EMC3: variants seen among roughly 807,000 people sequenced by gnomAD.
The protein encoded by EMC3 is ER membrane protein complex subunit 3.
A neutral mutation model predicts 36.6 loss-of-function variants in EMC3; 13 were observed. The observed-to-expected ratio is 0.35, with a 90% confidence interval of 0.23 to 0.56. The LOEUF (loss-of-function observed/expected upper bound fraction) is 0.56. Ranked by LOEUF, EMC3 falls within the 20% of genes least tolerant of loss-of-function variation. EMC3 has a pLI of 0.84. For missense variants in EMC3, 220 were observed against 324.5 expected, an observed-to-expected ratio of 0.68 and a Z score of 2.47; for synonymous variants, 120 against 111.9, an observed-to-expected ratio of 1.07 and a Z score of -0.46.
At chr3:9,997,721 A>T (rs1181470425) in intron 1 of EMC3, among the ~76,000 whole-genome samples, 1 of 152,042 alleles carries the variant, frequency 6.6e-6, no homozygotes, top group Non-Finnish European at 1.5e-5. Context: ...CGGCCTCCCA[A>T]AGTGCTGGGA....
chr3:9,970,956 CCT>C (rs1229073005), intron 5 of EMC3, among the ~76,000 whole-genome samples: 2 of 151,734 alleles, frequency 1.3e-5, no homozygotes, highest in Non-Finnish European at 2.9e-5. Context: ...GGAGTCTCAC[CCT>C]GTTACCCAGG....
chr3:9,989,235 C>T (rs1347731786), upstream of EMC3, among the ~76,000 whole-genome samples: 1 of 152,184 alleles, frequency 6.6e-6, no homozygotes, highest in Non-Finnish European at 1.5e-5. Context: ...TCTATTAATT[C>T]TAGAAATACC....
chr3:10,000,916 AC>A, intron 1 of EMC3: 1 of 429,030 alleles, frequency 2.3e-6, no homozygotes, highest in Non-Finnish European at 4.8e-6. Context: ...ACACTTCTGA[AC>A]AAAAATCTTG....
At chr3:9,969,519 A>G in intron 7 of EMC3, 200 bp downstream of exon 7, 5 of 1,458,838 alleles carry the variant, frequency 3.4e-6, no homozygotes, top group Non-Finnish European at 4.5e-6. Context: ...TTTAAAAACC[A>G]GTAAAAGCAC....
At chr3:9,975,245 T>C (rs935654754) in intron 3 of EMC3, among the ~76,000 whole-genome samples, 7 of 152,180 alleles carry the variant, frequency 4.6e-5, no homozygotes, top group Admixed American at 6.6e-5. Context: ...ATTGTTTCCA[T>C]TGTTTTTGCC....
intron 1 of EMC3, chr3:9,994,291 G>T: frequency 9.5e-7 from 1 of 1,056,050 alleles, no homozygotes; most frequent in Non-Finnish European, 1.4e-6. Flanking sequence ...TACAAATAAT[G>T]TGTTTATGTT....
rs1259595642 is a variant in EMC3 at position 9,978,768 on chromosome 3, T to C, written c.156-1322A>G. Among the ~76,000 whole-genome samples, 12 of 150,874 alleles carry C rather than the reference T, an allele frequency of 8.0e-5. No individual in the cohort carries two copies. The East Asian group carries it at 2.1e-3, about 27-fold the overall frequency. On this transcript the variant is annotated intron_variant, in intron 1 of 7. Transcript: ENST00000245046. The stretch of plus-strand genomic sequence containing the variant: ...TCACTTGAACCAGGAAGGTAGGGGG[T>C]TGCAGTGAGCCGAGACGACGCCATT...
Position 9,963,471 on chromosome 3 carries a change from A to T in EMC3, c.*598T>A, listed in dbSNP as rs1215806108. Reference sequence around the variant, plus strand: ...CTAAGATAGATATATATATATATATATATATATTTTTTTTTTTTTTTCAGA... The same window carrying T: ...CTAAGATAGATATATATATATATATTTATATATTTTTTTTTTTTTTTCAGA... On this transcript the variant is annotated 3_prime_UTR_variant, in exon 8 of 8. Transcript: ENST00000245046. The T allele has an allele frequency of 2.4e-4, 26 of 109,908 alleles. No homozygotes were observed. Among genetic ancestry groups the T allele is most frequent in the African/African-American group, 8.8e-4 (25 of 28,434 alleles). The allele number at this position is 109,908 out of a possible 1,614,324, so 6.8% of individuals were successfully genotyped here.
chr3:9,998,327 C>G (rs2086153192), intron 1 of EMC3, among the ~76,000 whole-genome samples: 1 of 150,160 alleles, frequency 6.7e-6, no homozygotes, highest in Admixed American at 6.6e-5. Context: ...GATTGCGCCA[C>G]TGCACTCCAG....
intron 1 of EMC3, among the ~76,000 whole-genome samples, chr3:10,002,150 T>C (rs1480246139): frequency 3.9e-5 from 6 of 152,298 alleles, no homozygotes; most frequent in East Asian, 1.9e-4. Context: ...TGTGGGACTT[T>C]GATAAGGATT....
intron 5 of EMC3, among the ~76,000 whole-genome samples, chr3:9,972,590 G>C (rs1012305320): frequency 6.6e-6 from 1 of 151,674 alleles, no homozygotes; most frequent in African/African-American, 2.4e-5. Context: ...GGCCAACATG[G>C]TGAAACCCTG....
At chr3:10,007,726 A>T in intron 1 of EMC3, 5 of 1,163,886 alleles carry the variant, frequency 4.3e-6, no homozygotes, top group African/African-American at 1.6e-5. Context: ...CTGTGGGTGC[A>T]GATGCCCATC....
chr3:9,973,586 A>G (rs1276252436), intron 5 of EMC3, 42 bp downstream of exon 5: 1 of 1,577,112 alleles, frequency 6.3e-7, no homozygotes, highest in Admixed American at 1.7e-5. Flanking sequence ...TGGCTTCCCA[A>G]AGTGTGGTTT....
intron 5 of EMC3, among the ~76,000 whole-genome samples, chr3:9,972,173 C>A (rs191195593): frequency 2.6e-5 from 4 of 151,992 alleles, no homozygotes; most frequent in Admixed American, 6.5e-5. Context: ...ATGGAAAACG[C>A]TAAGCCCAGT....
chr3:9,977,044 A>G lies in EMC3; in HGVS notation c.220T>C (p.Leu74=), dbSNP rs2085857406. The G allele has an allele frequency of 6.3e-7, 1 of 1,595,316 alleles. No homozygotes were observed. The highest frequency in any genetic ancestry group is 1.4e-5 in the African/African-American group (1 of 73,490). ...TTGTTGAAATAATATTTTCGTGTCAAGAAAGACTAGTAAAAAAAAAAAAAA... is the reference window on the plus strand; with the variant it reads ...TTGTTGAAATAATATTTTCGTGTCAGGAAAGACTAGTAAAAAAAAAAAAAA... The part of the protein sequence containing the change: ...NGKYIPKQSF[L]TRKYYFNNPE... Residue 74 remains leucine, a synonymous_variant, in exon 3 of 8, where the codon TTG becomes CTG. Coordinates refer to ENST00000245046, the MANE Select transcript of EMC3 (RefSeq NM_001394674.1).
intron 7 of EMC3, 173 bp downstream of exon 7, chr3:9,969,546 C>G: frequency 6.7e-7 from 1 of 1,498,002 alleles, no homozygotes; most frequent in Non-Finnish European, 8.9e-7. Flanking sequence ...TTTCCATTTA[C>G]TTAATAGATG....
intron 1 of EMC3, among the ~76,000 whole-genome samples, chr3:9,985,753 G>GT (rs1202886870): frequency 5.9e-5 from 9 of 152,070 alleles, no homozygotes; most frequent in African/African-American, 2.2e-4. Flanking sequence ...AATTAGTCAG[G>GT]TGTGGTGGTG....
At position 9,977,068 on chromosome 3, in the gene EMC3, A is replaced by C; in HGVS notation, c.214-18T>G. The C allele has an allele frequency of 6.5e-7, 1 of 1,531,490 alleles. No homozygotes were observed. The allele number at this position is 1,531,490 out of a possible 1,614,324, so 94.9% of individuals were successfully genotyped here. ...AAGAAAGACTAGTAAAAAAAAAAAA[A>C]AGTGTTTTAAGTCTAAGAACTATGA... On this transcript the variant is annotated intron_variant, in intron 2 of 7. Transcript: ENST00000245046.
At chr3:9,986,439 C>G in intron 1 of EMC3, 68 bp downstream of exon 1, 5 of 1,581,792 alleles carry the variant, frequency 3.2e-6, no homozygotes, top group Non-Finnish European at 3.5e-6. Flanking sequence ...CAAATTGACA[C>G]AACTCCTGCA....
Sources: allele counts gnomAD v4.1 joint callset (sites outside exome capture counted in the v4.1 genomes callset), GRCh38; gene constraint gnomAD v4.1.1; transcripts MANE v1.5; gene names NCBI Gene and HGNC (gene_info 2026-07-23, HGNC 2026-07-21).